Variants in GRAMD1B observed in about 807,000 individuals in gnomAD.
GRAMD1B encodes GRAM domain containing 1B, also known as protein Aster-B.
GRAMD1B carries 37 observed loss-of-function variants against 99.7 expected under a neutral mutation model. The ratio of observed to expected loss-of-function variants is 0.37; its 90% CI spans 0.29 to 0.49. GRAMD1B has a LOEUF of 0.49. GRAMD1B is among the 20% of genes least tolerant of loss of function. GRAMD1B has a pLI of 0.98. For missense variants in GRAMD1B, 888 were observed against 1,009.2 expected, an observed-to-expected ratio of 0.88 and a Z score of 1.63; for synonymous variants, 427 against 387.6, an observed-to-expected ratio of 1.10 and a Z score of -1.19.
At chr11:123,481,043 T>A (rs1951570899) in intron 2 of GRAMD1B, 150 bp downstream of exon 2, 1 of 395,576 alleles carries the variant, frequency 2.5e-6, no homozygotes, top group East Asian at 3.6e-5. Flanking sequence ...CTTGACTGAT[T>A]AGAAAGACAA....
At chr11:123,419,414 G>C (rs560762111) in intron 1 of GRAMD1B, among the ~76,000 whole-genome samples, 30 of 152,278 alleles carry the variant, frequency 2.0e-4, no homozygotes, top group African/African-American at 7.2e-4. Context: ...AGGATTGCTT[G>C]GGACCAGGAG....
intron 14 of GRAMD1B, among the ~76,000 whole-genome samples, chr11:123,611,326 C>T (rs966328233): frequency 1.3e-5 from 2 of 151,804 alleles, no homozygotes; most frequent in Non-Finnish European, 2.9e-5. Context: ...CCCAGCTACT[C>T]GGGAGGCTGA....
At chr11:123,581,347 G>C (rs1291048059) in intron 3 of GRAMD1B, among the ~76,000 whole-genome samples, 1 of 152,156 alleles carries the variant, frequency 6.6e-6, no homozygotes, top group Non-Finnish European at 1.5e-5. Context: ...CCAGGTAGGG[G>C]CGCTACAGCA....
At chr11:123,475,463 T>C (rs1383170689) in intron 1 of GRAMD1B, among the ~76,000 whole-genome samples, 1 of 152,202 alleles carries the variant, frequency 6.6e-6, no homozygotes, top group African/African-American at 2.4e-5. Context: ...GAACATGGTC[T>C]AGTGTTCCAA....
At chr11:123,411,350 T>A (rs1948045164) in intron 1 of GRAMD1B, among the ~76,000 whole-genome samples, 1 of 152,122 alleles carries the variant, frequency 6.6e-6, no homozygotes, top group Non-Finnish European at 1.5e-5. Flanking sequence ...GCAGGATGCT[T>A]ACAGATTTAT....
In GRAMD1B at chr11:123,621,956, C is replaced by CTTCTTCCTTCCTTCCTTCCTTTCTCTCT. The variant is rs1955191838; in HGVS notation, c.2545-545_2545-544insCCTTCCTTCCTTCCTTTCTCTCTTTCTT. On this transcript the variant is annotated intron_variant, in intron 19 of 19. Coordinates refer to ENST00000635736, the MANE Select transcript of GRAMD1B (RefSeq NM_001387025.1). The stretch of plus-strand genomic sequence containing the variant: ...CCTTCCTTTCTCTCTTTCTTTCTTT[C>CTTCTTCCTTCCTTCCTTCCTTTCTCTCT]TTCTTTCTTTCTTTCCTCTCTCTTT... 2.4e-4 allele frequency among the ~76,000 whole-genome samples: 9 copies of CTTCTTCCTTCCTTCCTTCCTTTCTCTCT among 37,150 alleles called. No homozygotes were observed. In the Admixed American group the frequency reaches 3.0e-3, roughly 12 times the overall value. The allele number at this position is 37,150 out of a possible 152,430, so 24.4% of individuals were successfully genotyped here. A position where few individuals can be genotyped will look rare whatever the true frequency, so the allele number is the denominator to read the frequency against.
At position 123,407,753 on chromosome 11, in the gene GRAMD1B, C is replaced by T. The variant is rs552796401; in HGVS notation, c.-176+48954C>T. Reference sequence around the variant, plus strand: ...ATCTCTGTCATCTCCCCAAATTAAACGTGCAGGTGCATTCATTGATTAACA... The same window carrying T: ...ATCTCTGTCATCTCCCCAAATTAAATGTGCAGGTGCATTCATTGATTAACA... On this transcript the variant is annotated intron_variant, in intron 1 of 20. Transcript: ENST00000638157. Among the ~76,000 whole-genome samples, 32 of 152,330 alleles carry T rather than the reference C, an allele frequency of 2.1e-4. 1 individual carries two copies. The South Asian group carries it at 5.2e-3, about 25-fold the overall frequency.
chr11:123,601,943 G>A (rs1425997696), intron 8 of GRAMD1B, among the ~76,000 whole-genome samples: 2 of 152,248 alleles, frequency 1.3e-5, no homozygotes, highest in African/African-American at 4.8e-5. Context: ...GGTGGCGCTG[G>A]TCAGAGAAGT....
intron 1 of GRAMD1B, among the ~76,000 whole-genome samples, chr11:123,408,729 C>T (rs552490677): frequency 1.3e-5 from 2 of 152,358 alleles, no homozygotes; most frequent in South Asian, 2.1e-4. Flanking sequence ...GTGGAATTCA[C>T]TAGGATGTAC....
chr11:123,375,193 G>A (rs190255225), intron 1 of GRAMD1B, among the ~76,000 whole-genome samples: 59 of 152,258 alleles, frequency 3.9e-4, no homozygotes, highest in Admixed American at 1.9e-3. Flanking sequence ...ATTTTTACTG[G>A]TTTGCAGATC....
chr11:123,598,143 T>A, intron 7 of GRAMD1B: 1 of 1,581,904 alleles, frequency 6.3e-7, no homozygotes, highest in South Asian at 1.1e-5. Context: ...CCCAAACACC[T>A]CATGCCATGC....
In GRAMD1B at chr11:123,609,858, C is replaced by A; in HGVS notation, c.1721C>A (p.Thr574Asn). 1.2e-6 allele frequency: 2 copies of A among 1,604,800 alleles called. No individual in the cohort carries two copies. Among genetic ancestry groups the A allele is most frequent in the Middle Eastern group, 1.7e-4 (1 of 6,050 alleles). The stretch of plus-strand genomic sequence containing the variant: ...AACCAGAGCCGAGTGATTCTTTACA[C>A]CATCACCCTTACCAACCCTCTGGCT... ...NGNQSRVILYTITLTNPLAPK... is the reference protein window; with the variant it reads ...NGNQSRVILYNITLTNPLAPK... Residue 574 changes from threonine (T) to asparagine (N), a missense_variant, in exon 13 of 20, where the codon ACC becomes AAC. Thr to Asn is a moderately conservative substitution (Grantham distance 65). Transcript: ENST00000635736.
chr11:123,400,535 A>T (rs749169157), intron 1 of GRAMD1B, among the ~76,000 whole-genome samples: 1 of 152,180 alleles, frequency 6.6e-6, no homozygotes, highest in Non-Finnish European at 1.5e-5. Flanking sequence ...GAAGGCTGGA[A>T]GTCCAACATT....
chr11:123,441,081 T>G (rs1305266993), intron 1 of GRAMD1B, among the ~76,000 whole-genome samples: 1 of 152,186 alleles, frequency 6.6e-6, no homozygotes, highest in Non-Finnish European at 1.5e-5. Context: ...AACCTCTTTC[T>G]TTTGTAAATT....
At chr11:123,399,809 A>G (rs1038403992) in intron 1 of GRAMD1B, among the ~76,000 whole-genome samples, 1 of 152,090 alleles carries the variant, frequency 6.6e-6, no homozygotes, top group African/African-American at 2.4e-5. Flanking sequence ...TAGTAGAGAC[A>G]GGGTTTTGCC....
At chr11:123,362,183 G>A (rs1308550172) in intron 1 of GRAMD1B, among the ~76,000 whole-genome samples, 1 of 152,184 alleles carries the variant, frequency 6.6e-6, no homozygotes, top group African/African-American at 2.4e-5. Flanking sequence ...ATCTCTAGTT[G>A]TTCATGAGCA....
rs150141128 is a variant in GRAMD1B at position 123,397,340 on chromosome 11, T to C, written c.-176+38541T>C. ...AGAGAATTGCTTGAACCCGGGAGTT[T>C]GCAGTGCAGTGAGCTGAGATCATGC... On this transcript the variant is annotated intron_variant, in intron 1 of 20. Coordinates refer to the GRAMD1B transcript ENST00000638157. Among the ~76,000 whole-genome samples, 198 of 152,178 alleles carry C rather than the reference T, an allele frequency of 1.3e-3. 1 individual carries two copies. Among genetic ancestry groups the C allele is most frequent in the African/African-American group, 4.6e-3 (190 of 41,518 alleles).
intron 2 of GRAMD1B, among the ~76,000 whole-genome samples, chr11:123,493,979 A>G (rs950606216): frequency 2.6e-5 from 4 of 152,178 alleles, no homozygotes; most frequent in Non-Finnish European, 4.4e-5. Flanking sequence ...TTGCATCAAA[A>G]TAAATGGCTT....
intron 1 of GRAMD1B, chr11:123,358,912 G>A (rs1381454472): frequency 6.6e-6 from 1 of 152,508 alleles, no homozygotes; most frequent in East Asian, 1.9e-4. Flanking sequence ...TGGGGGGTAG[G>A]GGTGCTGTTA....
Sources: gnomAD v4.1 joint callset for allele counts (sites outside exome capture counted in the v4.1 genomes callset) on GRCh38, gnomAD v4.1.1 for gene constraint, MANE v1.5 for transcripts, NCBI Gene and HGNC (gene_info 2026-07-23, HGNC 2026-07-21) for gene names.